Variants in SDK2 observed in about 807,000 individuals in gnomAD.
SDK2 encodes sidekick cell adhesion molecule 2, also known as protein sidekick-2.
SDK2 carries 105 observed loss-of-function variants against 253.9 expected under a neutral mutation model. The observed-to-expected ratio is 0.41, with a 90% CI of 0.35 to 0.49. The LOEUF (loss-of-function observed/expected upper bound fraction) is 0.49, where lower values mean the gene tolerates loss of function less well. SDK2 is among the 20% of genes least tolerant of loss of function. The pLI is 0.06. For synonymous variants in SDK2, 1,249 were observed against 1,234.9 expected (o/e 1.01, Z -0.24); for missense variants, 2,608 against 3,003.0 (o/e 0.87, Z 3.07).
At chr17:73,522,854 C>T (rs911361526) in intron 1 of SDK2, among the ~76,000 whole-genome samples, 1 of 152,220 alleles carries the variant, frequency 6.6e-6, no homozygotes, top group African/African-American at 2.4e-5. Context: ...GGTTCACATT[C>T]AAATGGAGTT....
At chr17:73,608,915 G>A (rs149159022) in intron 1 of SDK2, among the ~76,000 whole-genome samples, 9 of 152,184 alleles carry the variant, frequency 5.9e-5, no homozygotes, top group South Asian at 2.1e-4. Flanking sequence ...GCACCGTGTC[G>A]CAGCGGAGAA....
intron 1 of SDK2, among the ~76,000 whole-genome samples, chr17:73,608,866 G>A (rs1003335540): frequency 6.6e-6 from 1 of 152,210 alleles, no homozygotes; most frequent in African/African-American, 2.4e-5. Flanking sequence ...ATTGTGAGGA[G>A]GTGACTGCAG....
intron 2 of SDK2, among the ~76,000 whole-genome samples, chr17:73,477,396 G>A (rs2063693621): frequency 6.6e-6 from 1 of 151,914 alleles, no homozygotes; most frequent in South Asian, 2.1e-4. Context: ...ATCCACTCAA[G>A]AGGAAGTGCA....
intron 2 of SDK2, among the ~76,000 whole-genome samples, chr17:73,473,174 C>G (rs1399800673): frequency 1.3e-5 from 2 of 152,182 alleles, no homozygotes; most frequent in Non-Finnish European, 2.9e-5. Context: ...CCCTTGAAAG[C>G]CCACTCCAGA....
At chr17:73,378,848 G>T (rs2062806389) in intron 36 of SDK2, among the ~76,000 whole-genome samples, 1 of 152,194 alleles carries the variant, frequency 6.6e-6, no homozygotes. Context: ...GTTATGTATG[G>T]GGTTGGGGGC....
chr17:73,471,712 G>A (rs2063652399), intron 3 of SDK2, among the ~76,000 whole-genome samples: 1 of 152,198 alleles, frequency 6.6e-6, no homozygotes, highest in Admixed American at 6.5e-5. Flanking sequence ...CTTCCCAGGT[G>A]TGAGGTGGAC....
At chr17:73,400,891 G>A (rs961476744) in intron 21 of SDK2, 129 bp downstream of exon 21, 23 of 855,586 alleles carry the variant, frequency 2.7e-5, no homozygotes, top group Admixed American at 5.6e-5. Context: ...CAAGTGATAC[G>A]CCTGCCTCAG....
At chr17:73,468,279 C>G (rs1479421579) in intron 3 of SDK2, among the ~76,000 whole-genome samples, 1 of 152,198 alleles carries the variant, frequency 6.6e-6, no homozygotes, top group Non-Finnish European at 1.5e-5. Context: ...AGCAGTCACT[C>G]CCACTGATGC....
At chr17:73,572,849 T>C (rs777933370) in intron 1 of SDK2, among the ~76,000 whole-genome samples, 5 of 152,222 alleles carry the variant, frequency 3.3e-5, no homozygotes, top group Non-Finnish European at 5.9e-5. Context: ...CAGTATCTAC[T>C]TGTCCTTTAT....
chr17:73,433,209 G>T (rs2063341243), intron 10 of SDK2, among the ~76,000 whole-genome samples: 1 of 152,114 alleles, frequency 6.6e-6, no homozygotes, highest in Non-Finnish European at 1.5e-5. Flanking sequence ...GAGTGAGTTA[G>T]TAACTCACCA....
At chr17:73,482,421 C>T (rs533041948) in intron 2 of SDK2, among the ~76,000 whole-genome samples, 1 of 152,332 alleles carries the variant, frequency 6.6e-6, no homozygotes, top group African/African-American at 2.4e-5. Context: ...GGGCGGTTTG[C>T]TTCATAAGGG....
At chr17:73,428,912 G>A (rs1215628928) in intron 12 of SDK2, among the ~76,000 whole-genome samples, 7 of 152,088 alleles carry the variant, frequency 4.6e-5, no homozygotes, top group South Asian at 4.1e-4. Context: ...GGTTAATTCC[G>A]TTTAAGGCGA....
At chr17:73,523,654 G>C (rs1389782190) in intron 1 of SDK2, among the ~76,000 whole-genome samples, 1 of 152,044 alleles carries the variant, frequency 6.6e-6, no homozygotes. Flanking sequence ...GGCCTTGCTG[G>C]GCACTTTGAT....
intron 10 of SDK2, among the ~76,000 whole-genome samples, chr17:73,432,025 T>G (rs111864336): frequency 0.036 from 5,434 of 151,768 alleles, 307 homozygotes; most frequent in African/African-American, 0.12. Context: ...GCACCCGGGT[T>G]GGGGGAGCTG....
intron 16 of SDK2, among the ~76,000 whole-genome samples, 166 bp downstream of exon 16, chr17:73,419,000 C>G (rs779157394): frequency 4.5e-4 from 68 of 152,150 alleles, no homozygotes; most frequent in Non-Finnish European, 1.9e-4. Flanking sequence ...TACTAGGTGT[C>G]CAACCTAAAT....
At chr17:73,515,380 G>A (rs1439949277) in intron 1 of SDK2, among the ~76,000 whole-genome samples, 2 of 152,204 alleles carry the variant, frequency 1.3e-5, no homozygotes, top group African/African-American at 4.8e-5. Context: ...CAAAGGTCAC[G>A]CAGCATTCAT....
chr17:73,402,028 C>A lies in SDK2; in HGVS notation c.2598G>T (p.Glu866Asp). 2 of 1,613,962 alleles carry A rather than the reference C, an allele frequency of 1.2e-6. No homozygotes were observed. The change falls in exon 19 of 45, where the codon GAG (glutamate) becomes GAT (aspartate). Residue 866 changes from glutamate (E) to aspartate (D), a missense_variant. Physicochemically the swap from Glu to Asp is conservative, Grantham distance 45 (BLOSUM62 2). This residue lies in a region of SDK2 where 1,505 missense variants were observed against 1,859.1 expected (regional missense o/e 0.81). Coordinates refer to ENST00000392650, the MANE Select transcript of SDK2 (RefSeq NM_001144952.2). ...GFVSGLKKFTEYFTSVLCFTT... is the reference protein window; with the variant it reads ...GFVSGLKKFTDYFTSVLCFTT... ...TGAAACACAGCACTGAGGTGAAGTA[C>A]TCGGTGAACTTCTTCAGGCCAGACA...
intron 1 of SDK2, among the ~76,000 whole-genome samples, chr17:73,633,386 G>A (rs750456005): frequency 5.9e-5 from 9 of 152,226 alleles, no homozygotes; most frequent in Non-Finnish European, 8.8e-5. Context: ...CCCAGGGCAT[G>A]TGTCCACCCT....
Position 73,492,633 on chromosome 17 carries a change from C to T in SDK2, c.224+14805G>A, listed in dbSNP as rs540289272. Among the ~76,000 whole-genome samples the T allele has an allele frequency of 3.9e-5, 6 of 152,174 alleles. No individual in the cohort carries two copies. The East Asian group carries it at 1.2e-3, about 29-fold the overall frequency. Reference sequence around the variant, plus strand: ...GAGCCAAAACCCCTATTTTCAACCCCCTCCCAGGAGGAGTCTCTGCCATCC... The same window carrying T: ...GAGCCAAAACCCCTATTTTCAACCCTCTCCCAGGAGGAGTCTCTGCCATCC... On this transcript the variant is annotated intron_variant, in intron 2 of 44. Transcript: ENST00000392650.
Sources: gnomAD v4.1 joint callset for allele counts (sites outside exome capture counted in the v4.1 genomes callset) on GRCh38, gnomAD v4.1.1 for gene constraint, gnomAD v4.1.1 regional missense constraint, MANE v1.5 for transcripts, NCBI Gene and HGNC (gene_info 2026-07-23, HGNC 2026-07-21) for gene names.